IRAG2: variants seen among roughly 807,000 people sequenced by gnomAD.
IRAG2 encodes inositol 1,4,5-triphosphate receptor associated 2.
A neutral mutation model predicts 69.9 loss-of-function variants in IRAG2; 45 were observed. That is an observed-to-expected ratio of 0.64 (90% CI 0.51 to 0.83). The LOEUF (loss-of-function observed/expected upper bound fraction) is 0.83. Ranked by LOEUF, IRAG2 falls within the 40% of genes least tolerant of loss-of-function variation. IRAG2 has a pLI of 0.00. For synonymous variants in IRAG2, 193 were observed against 202.4 expected, an observed-to-expected ratio of 0.95 and a Z score of 0.40; for missense variants, 520 against 587.0, an observed-to-expected ratio of 0.89 and a Z score of 1.18.
At chr12:25,105,071 GTTTTTTTTTTTT>G (rs10583191) in intron 20 of IRAG2, among the ~76,000 whole-genome samples, 9 of 87,648 alleles carry the variant, frequency 1.0e-4, no homozygotes, top group Non-Finnish European at 1.5e-4. Flanking sequence ...CTTGGTCTCA[GTTTTTTTTTTTT>G]TTTTTTTTTT....
intron 6 of IRAG2, among the ~76,000 whole-genome samples, chr12:25,017,508 A>G (rs1944540327): frequency 6.6e-6 from 1 of 152,128 alleles, no homozygotes. Flanking sequence ...ACTTGAGATC[A>G]AAAGTTTGAG....
intron 5 of IRAG2, among the ~76,000 whole-genome samples, chr12:25,068,592 C>A (rs1812787237): frequency 6.6e-6 from 1 of 152,140 alleles, no homozygotes; most frequent in South Asian, 2.1e-4. Context: ...CCCCTGGCAA[C>A]CAGCCCCTCA....
At chr12:25,105,371 C>T (rs1592115902) in intron 20 of IRAG2, among the ~76,000 whole-genome samples, 1 of 152,070 alleles carries the variant, frequency 6.6e-6, no homozygotes, top group African/African-American at 2.4e-5. Context: ...CCACTGCGCC[C>T]GGCCTTCAGT....
At chr12:25,096,700 G>A (rs902849052) in intron 14 of IRAG2, among the ~76,000 whole-genome samples, 1 of 152,138 alleles carries the variant, frequency 6.6e-6, no homozygotes. Context: ...AGACATAAAA[G>A]ATTTGTGATC....
upstream of IRAG2, among the ~76,000 whole-genome samples, chr12:25,051,039 G>A (rs1193425840): frequency 6.6e-6 from 1 of 152,194 alleles, no homozygotes; most frequent in Admixed American, 6.5e-5. Flanking sequence ...AGATGTTCTA[G>A]AGATCTGCTG....
At chr12:25,010,317 AAAT>A (rs1386013803) in intron 2 of IRAG2, among the ~76,000 whole-genome samples, 1 of 152,188 alleles carries the variant, frequency 6.6e-6, no homozygotes, top group Non-Finnish European at 1.5e-5. Flanking sequence ...TCTGTACAAA[AAAT>A]ACAAAAATTA....
upstream of IRAG2, among the ~76,000 whole-genome samples, chr12:25,003,878 G>A (rs1045670409): frequency 7.9e-5 from 12 of 152,204 alleles, no homozygotes; most frequent in Admixed American, 4.6e-4. Context: ...AATGAGAGAT[G>A]TTAGCATCAT....
intron 1 of IRAG2, among the ~76,000 whole-genome samples, chr12:25,055,739 A>G (rs1945208398): frequency 6.6e-6 from 1 of 152,108 alleles, no homozygotes. Context: ...GTTTGCTCAG[A>G]ATGATGGTTT....
intron 14 of IRAG2, among the ~76,000 whole-genome samples, chr12:25,091,385 A>G (rs560629252): frequency 1.3e-5 from 2 of 152,242 alleles, no homozygotes; most frequent in Admixed American, 1.3e-4. Context: ...TTCACTTAGC[A>G]TAATGTCTTC....
intron 16 of IRAG2, among the ~76,000 whole-genome samples, chr12:25,042,838 G>A (rs1246403174): frequency 6.6e-6 from 1 of 151,892 alleles, no homozygotes; most frequent in Non-Finnish European, 1.5e-5. Flanking sequence ...TTGTTATATT[G>A]GTGAAAATAC....
At chr12:25,004,332 A>G, upstream of IRAG2, 1 of 1,231,944 alleles carries the variant, frequency 8.1e-7, no homozygotes, top group Non-Finnish European at 1.0e-6. Context: ...TACTAGGAGG[A>G]AAGTCAACAA....
chr12:25,012,522 T>A (rs904780005), intron 3 of IRAG2, among the ~76,000 whole-genome samples: 5 of 151,982 alleles, frequency 3.3e-5, no homozygotes, highest in African/African-American at 4.8e-5. Flanking sequence ...TGATGCATGC[T>A]AGGATTTGCT....
chr12:25,031,245 T>C (rs573298858), intron 10 of IRAG2: 62 of 172,070 alleles, frequency 3.6e-4, no homozygotes, highest in Admixed American at 7.8e-4. Flanking sequence ...CTCTATGTAA[T>C]GATATTGCGA....
At chr12:25,026,713 C>T (rs1049074500) in intron 8 of IRAG2, 9 of 636,572 alleles carry the variant, frequency 1.4e-5, no homozygotes, top group Non-Finnish European at 1.8e-5. Flanking sequence ...AATACCACCT[C>T]CTAAAAGAGA....
At chr12:25,023,404 A>AT (rs61436979) in intron 7 of IRAG2, among the ~76,000 whole-genome samples, 8,115 of 150,766 alleles carry the variant, frequency 0.054, 449 homozygotes, top group African/African-American at 0.15. Flanking sequence ...AAATATATTG[A>AT]TTTTTTTTTT....
chr12:25,004,982 C>A, intron 1 of IRAG2: 1 of 1,001,004 alleles, frequency 1.0e-6, no homozygotes, highest in Non-Finnish European at 1.3e-6. Flanking sequence ...TTTAGAATAC[C>A]TGAACTAAAA....
chr12:25,021,074 TTTTC>T (rs1294279567), intron 7 of IRAG2: 4 of 391,994 alleles, frequency 1.0e-5, no homozygotes, highest in East Asian at 3.6e-5. Flanking sequence ...TGTGTTTTCC[TTTTC>T]TTTCTTTCTT....
chr12:25,104,648 T>C (rs1475863691), intron 20 of IRAG2, among the ~76,000 whole-genome samples, 186 bp downstream of exon 20: 2 of 152,214 alleles, frequency 1.3e-5, no homozygotes, highest in African/African-American at 2.4e-5. Context: ...TTCACTCTCA[T>C]AGCTCTCAGA....
chr12:25,069,421 C>T lies in IRAG2; in HGVS notation c.14C>T (p.Pro5Leu). Residue 5 changes from proline (P) to leucine (L), a missense_variant, in exon 6 of 22, where the codon CCA (proline) becomes CTA (leucine). By Grantham distance (98) the Pro-to-Leu change is moderately conservative (BLOSUM62 -3). Transcript: ENST00000556887. MNDD[P>L]SMEENGVERV... is the part of the protein sequence containing the mutation. ...GGCTGCATCAGGATGAATGATGACC[C>T]AAGTATGGAAGTGAGTGTTGGACTG... 6.2e-7 allele frequency: 1 copy of T among 1,614,030 alleles called. No homozygotes were observed.
Sources: gnomAD v4.1 joint callset for allele counts (sites outside exome capture counted in the v4.1 genomes callset) on GRCh38, gnomAD v4.1.1 for gene constraint, MANE v1.5 for transcripts, NCBI Gene and HGNC (gene_info 2026-07-23, HGNC 2026-07-21) for gene names.